The following LEKR1 variants were observed in gnomAD, a reference collection of about 807,000 sequenced individuals.
LEKR1 encodes the protein protein LEKR1.
In LEKR1, 59 loss-of-function variants were observed where a neutral mutation model predicts 72.4. The observed-to-expected ratio is 0.82, with a 90% confidence interval of 0.66 to 1.01. The LOEUF is 1.01. Ranked by LOEUF, LEKR1 falls within the 50% of genes least tolerant of loss-of-function variation. LEKR1 has a pLI of 0.00. For missense variants in LEKR1, 728 were observed against 759.2 expected (o/e 0.96, Z 0.48); for synonymous variants, 257 against 263.2 (o/e 0.98, Z 0.23).
chr3:157,045,094 C>T (rs1041578384), intron 12 of LEKR1, among the ~76,000 whole-genome samples: 1 of 152,176 alleles, frequency 6.6e-6, no homozygotes, highest in African/African-American at 2.4e-5. Context: ...CACTCAGTCT[C>T]TGTAGTTCTT....
At chr3:157,000,194 C>A (rs979615252) in intron 9 of LEKR1, among the ~76,000 whole-genome samples, 2 of 152,152 alleles carry the variant, frequency 1.3e-5, no homozygotes, top group African/African-American at 4.8e-5. Context: ...GTGTCCTCTG[C>A]TTTCTAGTGC....
At chr3:156,946,654 T>C (rs1726709796) in intron 6 of LEKR1, among the ~76,000 whole-genome samples, 1 of 151,480 alleles carries the variant, frequency 6.6e-6, no homozygotes, top group Non-Finnish European at 1.5e-5. Flanking sequence ...CACGATGGCA[T>C]GTTGAATTAT....
At chr3:156,902,617 A>G (rs1343864298) in intron 3 of LEKR1, among the ~76,000 whole-genome samples, 1 of 152,152 alleles carries the variant, frequency 6.6e-6, no homozygotes, top group Non-Finnish European at 1.5e-5. Context: ...CATAACCACC[A>G]ACAGTAAAGA....
At chr3:156,944,753 TC>T (rs765184962) in intron 6 of LEKR1, among the ~76,000 whole-genome samples, 1 of 151,810 alleles carries the variant, frequency 6.6e-6, no homozygotes, top group Non-Finnish European at 1.5e-5. Context: ...TGTATCTCAT[TC>T]TTTTTATGGC....
chr3:156,923,078 T>C (rs1724363017), intron 4 of LEKR1, among the ~76,000 whole-genome samples: 2 of 152,228 alleles, frequency 1.3e-5, no homozygotes, highest in Non-Finnish European at 2.9e-5. Flanking sequence ...TTCCCAACCA[T>C]ATTTTGGCTT....
At chr3:156,986,643 T>G (rs1048530435) in intron 7 of LEKR1, among the ~76,000 whole-genome samples, 3 of 152,228 alleles carry the variant, frequency 2.0e-5, no homozygotes, top group Non-Finnish European at 4.4e-5. Context: ...AGATCCAGAC[T>G]GCTGGGGTTC....
At chr3:157,028,770 T>G (rs999024936) in intron 12 of LEKR1, among the ~76,000 whole-genome samples, 1 of 152,348 alleles carries the variant, frequency 6.6e-6, no homozygotes, top group Admixed American at 6.5e-5. Flanking sequence ...GAGAACTTTC[T>G]GCATACATTT....
At chr3:156,886,653 G>C (rs1720126740) in intron 3 of LEKR1, among the ~76,000 whole-genome samples, 1 of 151,964 alleles carries the variant, frequency 6.6e-6, no homozygotes, top group Admixed American at 6.6e-5. Context: ...CTTTTTTGTG[G>C]GACTCCCTAA....
rs138079187 is a variant in LEKR1, at chr3:156,831,784, G to T, written c.48+2407G>T. ...AGGTCCCCCTCACGATGTGGGAATTGTGAGAGCTACAATTCAAGATGAGAT... is the reference window on the plus strand; with the variant it reads ...AGGTCCCCCTCACGATGTGGGAATTTTGAGAGCTACAATTCAAGATGAGAT... On this transcript the variant is annotated intron_variant, in intron 2 of 12. Coordinates refer to ENST00000356539, the MANE Select transcript of LEKR1 (RefSeq NM_001004316.3). Among the ~76,000 whole-genome samples, 258 of 152,288 alleles carry T rather than the reference G, an allele frequency of 1.7e-3. 1 individual carries two copies. Among genetic ancestry groups the T allele is most frequent in the African/African-American group, 5.9e-3 (244 of 41,550 alleles).
At chr3:157,013,272 A>G (rs1454115746) in intron 10 of LEKR1, among the ~76,000 whole-genome samples, 2 of 152,062 alleles carry the variant, frequency 1.3e-5, no homozygotes, top group Admixed American at 1.3e-4. Flanking sequence ...GAAATTTCCC[A>G]TCTCCATATT....
rs951315036 is a variant in LEKR1 at position 156,896,568 on chromosome 3, G to T, written c.264-24007G>T. Among the ~76,000 whole-genome samples, 3 of 152,278 alleles carry T rather than the reference G, an allele frequency of 2.0e-5. No homozygotes were observed. The South Asian group carries it at 6.2e-4, about 32-fold the overall frequency. ...TCAAGAAATAACAGAGGCTGATGAG[G>T]TTGCAAAGGAAAGGGAATGCTTATA... On this transcript the variant is annotated intron_variant, in intron 3 of 12. Transcript: ENST00000356539.
chr3:156,924,451 A>T (rs1041683865), intron 4 of LEKR1: 2 of 624,216 alleles, frequency 3.2e-6, no homozygotes, highest in African/African-American at 1.8e-5. Flanking sequence ...TTTGAAAAGC[A>T]AAGTTTGTTA....
In LEKR1 at chr3:156,871,775, C is replaced by A. The variant is rs1356656936; in HGVS notation, c.263+18793C>A. On this transcript the variant is annotated intron_variant, in intron 3 of 12. Coordinates refer to ENST00000356539, the MANE Select transcript of LEKR1 (RefSeq NM_001004316.3). ...TGTATGTTGAACCATCCTTGCATCC[C>A]TGGGATAAATTCCATTTGATTATGA... Among the ~76,000 whole-genome samples the A allele has an allele frequency of 9.9e-5, 15 of 152,202 alleles. No individual in the cohort carries two copies. The South Asian group carries it at 3.1e-3, about 32-fold the overall frequency.
chr3:156,983,592 G>C (rs893845260), intron 7 of LEKR1, among the ~76,000 whole-genome samples: 54 of 152,144 alleles, frequency 3.5e-4, no homozygotes, highest in African/African-American at 1.3e-3. Context: ...ATTACATATG[G>C]ACCATTTAAG....
chr3:157,017,962 A>AAAAAAAAAAAG (rs1553831878), intron 10 of LEKR1, among the ~76,000 whole-genome samples: 1,399 of 133,912 alleles, frequency 0.01, 16 homozygotes, highest in Non-Finnish European at 0.013. Flanking sequence ...AAAAAAAAAA[A>AAAAAAAAAAAG]AAAAAAAAAA....
intron 3 of LEKR1, among the ~76,000 whole-genome samples, chr3:156,886,720 C>T (rs1277711965): frequency 6.6e-6 from 1 of 152,126 alleles, no homozygotes; most frequent in Non-Finnish European, 1.5e-5. Flanking sequence ...TTTCAGATTC[C>T]CCAGTGGGGA....
chr3:157,015,939 TG>T (rs1733280926), intron 10 of LEKR1, among the ~76,000 whole-genome samples: 1 of 152,100 alleles, frequency 6.6e-6, no homozygotes, highest in Non-Finnish European at 1.5e-5. Flanking sequence ...TACACTGGAT[TG>T]GATTGATGGC....
chr3:156,858,078 G>A (rs1004292110), intron 3 of LEKR1, among the ~76,000 whole-genome samples: 1 of 152,088 alleles, frequency 6.6e-6, no homozygotes, highest in East Asian at 1.9e-4. Flanking sequence ...CTCTTTTTGA[G>A]TCAGTTTTGG....
intron 3 of LEKR1, among the ~76,000 whole-genome samples, chr3:156,861,497 C>T (rs919976421): frequency 6.6e-6 from 1 of 152,106 alleles, no homozygotes; most frequent in African/African-American, 2.4e-5. Flanking sequence ...TTCAATCCCT[C>T]ACATCTCTCT....
Sources: allele counts gnomAD v4.1 joint callset (sites outside exome capture counted in the v4.1 genomes callset), GRCh38; gene constraint gnomAD v4.1.1; transcripts MANE v1.5; gene names NCBI Gene and HGNC (gene_info 2026-07-23, HGNC 2026-07-21).